The following METTL15 variants were observed in gnomAD, a reference collection of about 807,000 sequenced individuals.
METTL15 encodes the protein 12S rRNA N(4)-cytidine methyltransferase METTL15.
In METTL15, 34 loss-of-function variants were observed where a neutral mutation model predicts 38.3. That is an observed-to-expected ratio of 0.89 (90% CI 0.68 to 1.18). METTL15 has a LOEUF of 1.18. Among genes scored for constraint, METTL15 ranks in the 50% most tolerant of loss-of-function variants. METTL15 has a pLI of 0.00. For synonymous variants in METTL15, 162 were observed against 170.9 expected, an observed-to-expected ratio of 0.95 and a Z score of 0.41; for missense variants, 438 against 498.4, an observed-to-expected ratio of 0.88 and a Z score of 1.15.
chr11:28,379,860 A>G (rs1850362188), intron 5 of METTL15, among the ~76,000 whole-genome samples: 1 of 152,094 alleles, frequency 6.6e-6, no homozygotes, highest in African/African-American at 2.4e-5. Flanking sequence ...CTTTAGATGT[A>G]TTAATGTTTG....
At chr11:28,284,522 G>A (rs1056600288) in intron 4 of METTL15, among the ~76,000 whole-genome samples, 1 of 151,928 alleles carries the variant, frequency 6.6e-6, no homozygotes, top group Non-Finnish European at 1.5e-5. Flanking sequence ...AATCCTAAAA[G>A]GACTGTAGAA....
intron 3 of METTL15, among the ~76,000 whole-genome samples, chr11:28,180,609 A>G (rs1851247790): frequency 6.6e-6 from 1 of 151,764 alleles, no homozygotes; most frequent in Non-Finnish European, 1.5e-5. Context: ...TTTTCTTTGT[A>G]CTTCTCTTCA....
intron 3 of METTL15, among the ~76,000 whole-genome samples, chr11:28,178,696 C>T (rs1260050161): frequency 6.6e-6 from 1 of 151,694 alleles, no homozygotes; most frequent in Admixed American, 6.6e-5. Context: ...TTAATAGTCC[C>T]ATTTTTCAAA....
chr11:28,196,411 T>C (rs976483516), intron 3 of METTL15, among the ~76,000 whole-genome samples: 4 of 151,984 alleles, frequency 2.6e-5, no homozygotes, highest in African/African-American at 9.7e-5. Flanking sequence ...TGTAGAGATA[T>C]TTCACCTCCT....
intron 3 of METTL15, among the ~76,000 whole-genome samples, chr11:28,193,599 T>C (rs1851780781): frequency 6.6e-6 from 1 of 152,020 alleles, no homozygotes; most frequent in Non-Finnish European, 1.5e-5. Context: ...ATCCAAACCA[T>C]ATCACCTTCC....
intron 4 of METTL15, among the ~76,000 whole-genome samples, chr11:28,268,123 A>G (rs1261437262): frequency 1.4e-5 from 2 of 137,972 alleles, no homozygotes; most frequent in Non-Finnish European, 3.1e-5. Flanking sequence ...CGTGAACCCG[A>G]GAGGCGGAGC....
chr11:28,430,292 C>T (rs1278455923), intron 6 of METTL15, among the ~76,000 whole-genome samples: 23 of 139,810 alleles, frequency 1.6e-4, no homozygotes, highest in Non-Finnish European at 2.1e-4. Context: ...TCAGCCCCCC[C>T]GCCCGGCCAG....
chr11:28,449,686 C>T (rs750698588), intron 6 of METTL15, among the ~76,000 whole-genome samples: 57 of 152,248 alleles, frequency 3.7e-4, no homozygotes, highest in Admixed American at 1.7e-3. Context: ...GTGGAAATGA[C>T]GCTTCAGTTC....
chr11:28,383,657 T>G (rs1419365889), intron 5 of METTL15, among the ~76,000 whole-genome samples: 1 of 152,196 alleles, frequency 6.6e-6, no homozygotes, highest in Admixed American at 6.6e-5. Flanking sequence ...TAGTAGCCAT[T>G]CTGACTAGTG....
intron 4 of METTL15, among the ~76,000 whole-genome samples, chr11:28,236,823 C>T (rs1854004797): frequency 1.3e-5 from 2 of 152,098 alleles, no homozygotes; most frequent in South Asian, 2.1e-4. Context: ...TCAGCATTTG[C>T]TTGTCTGTAT....
intron 6 of METTL15, chr11:28,519,333 A>C (rs1403866562): frequency 6.6e-6 from 1 of 152,282 alleles, no homozygotes; most frequent in African/African-American, 2.4e-5. Flanking sequence ...AGGCGGGCGG[A>C]TCACGAGGTC....
chr11:28,433,907 A>C (rs1337474297), intron 6 of METTL15, among the ~76,000 whole-genome samples: 1 of 152,128 alleles, frequency 6.6e-6, no homozygotes, highest in Non-Finnish European at 1.5e-5. Context: ...TGTTTAATTG[A>C]AGCATTATCT....
rs568564242 is a variant in METTL15 at position 28,225,402 on chromosome 11, TG to T, written c.407+14205del. ...TGCAGAAAGGATACATCTGAGGTTT[TG>T]TTTACCTGAGAAAACAGTGTTTCTC... On this transcript the variant is annotated intron_variant, in intron 4 of 6. Coordinates refer to ENST00000407364, the MANE Select transcript of METTL15 (RefSeq NM_001113528.2). Among the ~76,000 whole-genome samples the T allele has an allele frequency of 4.3e-3, 654 of 152,030 alleles. 4 individuals are homozygous for T. The highest frequency in any genetic ancestry group is 6.0e-3 in the Non-Finnish European group (410 of 67,812).
intron 4 of METTL15, among the ~76,000 whole-genome samples, chr11:28,284,947 G>T (rs1856195019): frequency 6.6e-6 from 1 of 152,054 alleles, no homozygotes; most frequent in Non-Finnish European, 1.5e-5. Flanking sequence ...TCTCCATTTG[G>T]CAAGGGCAGG....
At position 28,436,204 on chromosome 11, in the gene METTL15, T is replaced by C. The variant is rs559189418; in HGVS notation, c.*424+11840T>C. Among the ~76,000 whole-genome samples, 5 of 152,276 alleles carry C rather than the reference T, an allele frequency of 3.3e-5. No homozygotes were observed. In the East Asian group the frequency reaches 9.6e-4, roughly 29 times the overall value. On this transcript the variant is annotated intron_variant and NMD_transcript_variant, in intron 6 of 7. Transcript: ENST00000532947. ...ATGAAATGGATCGCCATTTCTCCAG[T>C]CTCCTTTAACAGCTTCCTCACCATT...
intron 5 of METTL15, among the ~76,000 whole-genome samples, chr11:28,417,769 A>G (rs1202233668): frequency 6.6e-6 from 1 of 152,188 alleles, no homozygotes; most frequent in Non-Finnish European, 1.5e-5. Flanking sequence ...GTGGCTGAGG[A>G]TTAAAATTGG....
chr11:28,236,243 A>G (rs1853963209), intron 4 of METTL15, among the ~76,000 whole-genome samples: 2 of 152,030 alleles, frequency 1.3e-5, no homozygotes, highest in South Asian at 4.1e-4. Context: ...ATCAATGTTC[A>G]TCAAGGATAT....
At chr11:28,114,213 C>T (rs1419639074) in intron 3 of METTL15, among the ~76,000 whole-genome samples, 1 of 152,124 alleles carries the variant, frequency 6.6e-6, no homozygotes, top group Non-Finnish European at 1.5e-5. Context: ...CCAGACATTT[C>T]ATTTAAATGG....
chr11:28,513,044 G>T (rs1458648371), intron 6 of METTL15, among the ~76,000 whole-genome samples: 1 of 152,186 alleles, frequency 6.6e-6, no homozygotes, highest in Admixed American at 6.5e-5. Flanking sequence ...AAGTGGACTT[G>T]CATAGTTCAA....
Sources: allele counts gnomAD v4.1 joint callset (sites outside exome capture counted in the v4.1 genomes callset), GRCh38; gene constraint gnomAD v4.1.1; transcripts MANE v1.5; gene names NCBI Gene and HGNC (gene_info 2026-07-23, HGNC 2026-07-21).